The following SVIL variants were observed in gnomAD, a reference collection of about 807,000 sequenced individuals.
The protein encoded by SVIL is supervillin.
A neutral mutation model predicts 240.4 loss-of-function variants in SVIL; 101 were observed. That is an observed-to-expected ratio of 0.42 (90% CI 0.36 to 0.50). SVIL has a LOEUF of 0.50. Among genes scored for constraint, SVIL ranks in the 20% least tolerant of loss-of-function variants. The probability of loss-of-function intolerance (pLI) is 0.01; values close to 1 mark genes in which losing one functional copy is unlikely to be tolerated. For missense variants in SVIL, 2,512 were observed against 2,818.7 expected, an observed-to-expected ratio of 0.89 and a Z score of 2.46; for synonymous variants, 999 against 1,100.0, an observed-to-expected ratio of 0.91 and a Z score of 1.82.
intron 1 of SVIL, among the ~76,000 whole-genome samples, chr10:29,589,912 T>A (rs1956319099): frequency 6.6e-6 from 1 of 152,086 alleles, no homozygotes; most frequent in African/African-American, 2.4e-5. Context: ...CTCACGCCTG[T>A]AATCCCAGCA....
intron 21 of SVIL, among the ~76,000 whole-genome samples, chr10:29,491,617 C>T (rs934281377): frequency 6.6e-6 from 1 of 152,128 alleles, no homozygotes; most frequent in Non-Finnish European, 1.5e-5. Flanking sequence ...CTGTGACCAC[C>T]CCACATTCTC....
intron 1 of SVIL, among the ~76,000 whole-genome samples, chr10:29,698,879 A>T (rs932285016): frequency 2.6e-5 from 4 of 152,200 alleles, no homozygotes; most frequent in African/African-American, 9.6e-5. Context: ...GAATGGAAAA[A>T]CTACACAACT....
chr10:29,481,005 G>A (rs1436707455), intron 28 of SVIL, among the ~76,000 whole-genome samples, 192 bp from the exon 29 acceptor site: 5 of 152,236 alleles, frequency 3.3e-5, no homozygotes, highest in Admixed American at 6.5e-5. Flanking sequence ...AACACCCATC[G>A]CCACAACAGC....
At chr10:29,512,299 C>G (rs919619894) in intron 17 of SVIL, among the ~76,000 whole-genome samples, 6 of 152,176 alleles carry the variant, frequency 3.9e-5, no homozygotes, top group African/African-American at 1.4e-4. Context: ...TACTCATAAA[C>G]CACAATTATG....
intron 1 of SVIL, among the ~76,000 whole-genome samples, chr10:29,634,141 T>C (rs1958219198): frequency 1.3e-5 from 2 of 151,958 alleles, no homozygotes; most frequent in African/African-American, 4.8e-5. Context: ...TACTAAGTTA[T>C]ATTAATCAAA....
upstream of SVIL, among the ~76,000 whole-genome samples, chr10:29,636,147 T>C (rs1361614501): frequency 6.6e-6 from 1 of 151,528 alleles, no homozygotes; most frequent in Non-Finnish European, 1.5e-5. Context: ...ACAAACAAAA[T>C]TTCATAGCAT....
intron 1 of SVIL, among the ~76,000 whole-genome samples, chr10:29,582,318 T>A (rs1344021969): frequency 6.6e-6 from 1 of 152,176 alleles, no homozygotes; most frequent in Non-Finnish European, 1.5e-5. Context: ...GGAGAACAGC[T>A]CTTGTGAGGG....
chr10:29,587,161 C>A (rs1480375280), intron 1 of SVIL, among the ~76,000 whole-genome samples: 1 of 152,236 alleles, frequency 6.6e-6, no homozygotes, highest in Non-Finnish European at 1.5e-5. Flanking sequence ...TTCGGACAGT[C>A]ACCTCCCCCT....
intron 1 of SVIL, among the ~76,000 whole-genome samples, chr10:29,692,117 G>A (rs568886042): frequency 2.6e-5 from 4 of 152,276 alleles, no homozygotes; most frequent in East Asian, 3.9e-4. Context: ...AGAAACCTTC[G>A]TCAAATCATA....
intron 3 of SVIL, among the ~76,000 whole-genome samples, chr10:29,562,323 C>A (rs1184742418): frequency 1.3e-5 from 2 of 152,224 alleles, no homozygotes; most frequent in African/African-American, 4.8e-5. Flanking sequence ...TTGGTGCAGA[C>A]ATTTTACCGC....
In SVIL at chr10:29,550,922, G is replaced by A. The variant is rs372680816; in HGVS notation, c.502C>T (p.Pro168Ser). 22 of 1,614,030 alleles carry A rather than the reference G, an allele frequency of 1.4e-5. No homozygotes were observed. Among genetic ancestry groups the A allele is most frequent in the African/African-American group, 1.1e-4 (8 of 74,994 alleles). The change falls in exon 6 of 38, where the codon CCC (proline) becomes TCC (serine). Residue 168 changes from proline to serine, a missense_variant. Physicochemically the swap from Pro to Ser is moderately conservative, Grantham distance 74. This residue lies in a region of SVIL where 1,443 missense variants were observed against 1,486.6 expected (regional missense o/e 0.97). Transcript: ENST00000355867. ...CTGAGCCCCATCGTCTCGGTCCCGG[G>A]GTACAGAGAACTAGCATCTCTGCTT... ...ESSRDASSLY[P>S]GTETMGLRTC...
chr10:29,503,426 C>T (rs1949047741), intron 17 of SVIL, among the ~76,000 whole-genome samples: 1 of 152,214 alleles, frequency 6.6e-6, no homozygotes, highest in South Asian at 2.1e-4. Context: ...AAGCCTGACA[C>T]AGAGACAAAC....
chr10:29,639,238 C>T (rs1958405135), upstream of SVIL, among the ~76,000 whole-genome samples: 1 of 152,082 alleles, frequency 6.6e-6, no homozygotes, highest in African/African-American at 2.4e-5. Flanking sequence ...GTGGCGCGAT[C>T]TTGGCTCACT....
chr10:29,678,602 C>T (rs11007695), intron 2 of SVIL, among the ~76,000 whole-genome samples: 5,154 of 152,266 alleles, frequency 0.034, 133 homozygotes, highest in East Asian at 0.097. Flanking sequence ...TGCTAGAAAC[C>T]CTGCATCTGT....
At chr10:29,680,409 A>G (rs1589502915) in intron 2 of SVIL, among the ~76,000 whole-genome samples, 1 of 152,282 alleles carries the variant, frequency 6.6e-6, no homozygotes, top group East Asian at 1.9e-4. Context: ...ATGCAACACG[A>G]GGCCTGGAGC....
chr10:29,510,052 G>A (rs1294634410), intron 17 of SVIL, among the ~76,000 whole-genome samples: 6 of 152,228 alleles, frequency 3.9e-5, no homozygotes, highest in Middle Eastern at 3.4e-3. Flanking sequence ...ACAGTCGTGC[G>A]CTACCACACC....
At chr10:29,465,442 T>G (rs1944795117) in intron 34 of SVIL, among the ~76,000 whole-genome samples, 153 bp downstream of exon 34, 1 of 151,728 alleles carries the variant, frequency 6.6e-6, no homozygotes, top group Non-Finnish European at 1.5e-5. Context: ...GGTGTAGGGG[T>G]GAGGATGAAA....
At chr10:29,552,789 A>C (rs774747029) in intron 5 of SVIL, among the ~76,000 whole-genome samples, 1 of 152,138 alleles carries the variant, frequency 6.6e-6, no homozygotes, top group Admixed American at 6.6e-5. Flanking sequence ...TGAATTGAGA[A>C]GAGAGATATG....
At chr10:29,483,746 C>T (rs1405703302) in intron 27 of SVIL, 1 of 152,146 alleles carries the variant, frequency 6.6e-6, no homozygotes, top group Non-Finnish European at 1.5e-5. Flanking sequence ...ATTTGCTTAA[C>T]AAGGACTTTA....
Sources: gnomAD v4.1 joint callset for allele counts (sites outside exome capture counted in the v4.1 genomes callset) on GRCh38, gnomAD v4.1.1 for gene constraint, gnomAD v4.1.1 regional missense constraint, MANE v1.5 for transcripts, NCBI Gene and HGNC (gene_info 2026-07-23, HGNC 2026-07-21) for gene names.